GLG1: variants seen among roughly 807,000 people sequenced by gnomAD.
The protein encoded by GLG1 is golgi glycoprotein 1.
GLG1 carries 38 observed loss-of-function variants against 160.5 expected under a neutral mutation model. The ratio of observed to expected loss-of-function variants is 0.24; its 90% CI spans 0.18 to 0.31. The LOEUF is 0.31. Among genes scored for constraint, GLG1 ranks in the 10% least tolerant of loss-of-function variants. GLG1 has a pLI of 1.00. For synonymous variants in GLG1, 644 were observed against 543.4 expected, an observed-to-expected ratio of 1.19 and a Z score of -2.57; for missense variants, 1,373 against 1,505.2, an observed-to-expected ratio of 0.91 and a Z score of 1.45.
intron 1 of GLG1, among the ~76,000 whole-genome samples, chr16:74,555,463 A>G (rs544474562): frequency 0.022 from 3,365 of 152,048 alleles, 35 homozygotes; most frequent in African/African-American, 0.038. Flanking sequence ...GAGGCAAGAC[A>G]ACTGCTTGAG....
intron 18 of GLG1, among the ~76,000 whole-genome samples, chr16:74,466,848 T>C (rs2015017222): frequency 6.6e-6 from 1 of 151,722 alleles, no homozygotes; most frequent in Non-Finnish European, 1.5e-5. Flanking sequence ...TACAAAGAAA[T>C]GAAAAGTACC....
At chr16:74,484,025 G>T (rs1389461211) in intron 9 of GLG1, among the ~76,000 whole-genome samples, 1 of 151,754 alleles carries the variant, frequency 6.6e-6, no homozygotes, top group Non-Finnish European at 1.5e-5. Context: ...AAGGTTAACT[G>T]ATAAGTATCT....
chr16:74,458,411 T>A (rs2014647370), intron 23 of GLG1: 1 of 158,120 alleles, frequency 6.3e-6, no homozygotes, highest in Admixed American at 6.2e-5. Flanking sequence ...CAATCGGGAC[T>A]GGGGGTGGTG....
intron 1 of GLG1, among the ~76,000 whole-genome samples, chr16:74,571,976 T>A (rs1183068088): frequency 6.6e-6 from 1 of 152,160 alleles, no homozygotes; most frequent in East Asian, 1.9e-4. Flanking sequence ...CTAAAAGCCT[T>A]GGAGTCTCAG....
At position 74,496,575 on chromosome 16, in the gene GLG1, C is replaced by T. The variant is rs757657821; in HGVS notation, c.844G>A (p.Glu282Lys). ...AGTTCAGAAACTTGAATCTTGGGTT[C>T]TCTTTCTTCTGCTTCTTTCACCAGG... is the stretch of plus-strand genomic sequence containing the variant. ...KGLVKEAEER[E>K]PKIQVSELCK... The change falls in exon 5 of 26, where the codon GAA (glutamate) becomes AAA (lysine). Residue 282 changes from glutamate (E) to lysine (K), a missense_variant. Glu to Lys is a moderately conservative substitution (Grantham distance 56, BLOSUM62 1). Coordinates refer to ENST00000422840, the MANE Select transcript of GLG1 (RefSeq NM_001145667.2). The T allele has an allele frequency of 1.7e-5, 28 of 1,613,324 alleles. No homozygotes were observed. The highest frequency in any genetic ancestry group is 2.3e-5 in the Non-Finnish European group (27 of 1,179,420).
chr16:74,553,682 C>A (rs2018273097), intron 1 of GLG1, among the ~76,000 whole-genome samples: 1 of 152,044 alleles, frequency 6.6e-6, no homozygotes, highest in Non-Finnish European at 1.5e-5. Context: ...ACCATGTTAG[C>A]CAGGATGGTC....
At chr16:74,486,448 A>C (rs904823925) in intron 8 of GLG1, among the ~76,000 whole-genome samples, 10 of 152,256 alleles carry the variant, frequency 6.6e-5, no homozygotes, top group Admixed American at 1.3e-4. Context: ...AAACAGGATT[A>C]TGGTATTTAT....
At chr16:74,547,025 G>A (rs1208572636) in intron 1 of GLG1, among the ~76,000 whole-genome samples, 3 of 151,986 alleles carry the variant, frequency 2.0e-5, no homozygotes, top group Non-Finnish European at 4.4e-5. Context: ...AACTGTCCCC[G>A]CTTCCAGAAC....
At chr16:74,559,012 G>A (rs1355437448) in intron 1 of GLG1, among the ~76,000 whole-genome samples, 2 of 152,110 alleles carry the variant, frequency 1.3e-5, no homozygotes, top group African/African-American at 4.8e-5. Flanking sequence ...AGCCTCCTGA[G>A]CAGCTGGGAC....
intron 1 of GLG1, among the ~76,000 whole-genome samples, chr16:74,567,385 T>C (rs190232129): frequency 6.6e-6 from 1 of 152,210 alleles, no homozygotes; most frequent in African/African-American, 2.4e-5. Context: ...GAATTTGAAA[T>C]GAGAAATTGA....
chr16:74,495,043 T>G (rs1597265682), intron 5 of GLG1, among the ~76,000 whole-genome samples: 1 of 152,002 alleles, frequency 6.6e-6, no homozygotes, highest in South Asian at 2.1e-4. Context: ...ATTTGGAGTT[T>G]GTCATTTGTT....
At chr16:74,494,737 A>G (rs975743985) in intron 6 of GLG1, 23 bp downstream of exon 6, 5 of 1,049,782 alleles carry the variant, frequency 4.8e-6, no homozygotes, top group East Asian at 2.4e-5. Context: ...TAAAACATTC[A>G]TTAGTTTCAA....
intron 3 of GLG1, among the ~76,000 whole-genome samples, chr16:74,504,000 A>T (rs2016507903): frequency 6.6e-6 from 1 of 152,210 alleles, no homozygotes; most frequent in Non-Finnish European, 1.5e-5. Flanking sequence ...TTGCAAAAGA[A>T]TACCTACATA....
At position 74,529,809 on chromosome 16, in the gene GLG1, G is replaced by GTTTTTTTTTTTTTTTTTTTTTTTTTT. The variant is rs201693911; in HGVS notation, c.471+2311_471+2312insAAAAAAAAAAAAAAAAAAAAAAAAAA. Among the ~76,000 whole-genome samples, 2 of 104,104 alleles carry GTTTTTTTTTTTTTTTTTTTTTTTTTT rather than the reference G, an allele frequency of 1.9e-5. 1 individual carries two copies. Among genetic ancestry groups the GTTTTTTTTTTTTTTTTTTTTTTTTTT allele is most frequent in the South Asian group, 7.1e-4 (2 of 2,810 alleles). 68.3% of individuals were successfully genotyped at this position (104,104 alleles called of 152,430 possible). The stretch of plus-strand genomic sequence containing the variant: ...CTTCCTATTCCTTGGCTCTTTGAGA[G>GTTTTTTTTTTTTTTTTTTTTTTTTTT]TTCTTTTTTTTTTTTTTTTTTTTTT... On this transcript the variant is annotated intron_variant, in intron 2 of 25. Coordinates refer to ENST00000422840, the MANE Select transcript of GLG1 (RefSeq NM_001145667.2).
intron 1 of GLG1, among the ~76,000 whole-genome samples, chr16:74,565,405 T>G (rs531178532): frequency 1.4e-4 from 21 of 152,178 alleles, no homozygotes; most frequent in Admixed American, 5.9e-4. Context: ...AAAGCTGCCT[T>G]CTTACATATT....
intron 1 of GLG1, among the ~76,000 whole-genome samples, chr16:74,562,481 A>G (rs2143744074): frequency 6.6e-6 from 1 of 152,306 alleles, no homozygotes; most frequent in South Asian, 2.1e-4. Flanking sequence ...TATTTTCTGT[A>G]GATGGTCTCA....
At chr16:74,558,234 C>G (rs4389167) in intron 1 of GLG1, among the ~76,000 whole-genome samples, 13,745 of 152,106 alleles carry the variant, frequency 0.09, 971 homozygotes, top group South Asian at 0.34. Flanking sequence ...CAACATTTCA[C>G]TTTTGGCAGT....
At chr16:74,469,139 T>TGACC in intron 16 of GLG1, 76 bp from the exon 17 acceptor site, 1 of 894,228 alleles carries the variant, frequency 1.1e-6, no homozygotes, top group Non-Finnish European at 1.9e-6. Flanking sequence ...TTGGGGGGGG[T>TGACC]CACACCATTA....
In GLG1 at chr16:74,532,193, A is replaced by T. The variant is rs58940863; in HGVS notation, c.439-40T>A. 6.3e-3 allele frequency: 2,040 copies of T among 324,802 alleles called. 26 individuals carry two copies. The highest frequency in any genetic ancestry group is 0.059 in the African/African-American group (1,646 of 27,772). The allele number at this position is 324,802 out of a possible 1,614,324, so 20.1% of individuals were successfully genotyped here. ...AAAGAAGAGATGATGTAAAAAAAAA[A>T]ATATATATATATATATATAGAGAAC... is the stretch of plus-strand genomic sequence containing the variant. On this transcript the variant is annotated intron_variant, in intron 1 of 25. Coordinates refer to ENST00000422840, the MANE Select transcript of GLG1 (RefSeq NM_001145667.2).
Sources: allele counts gnomAD v4.1 joint callset (sites outside exome capture counted in the v4.1 genomes callset), GRCh38; gene constraint gnomAD v4.1.1; transcripts MANE v1.5; gene names NCBI Gene and HGNC (gene_info 2026-07-23, HGNC 2026-07-21).